Variants in HSD17B2 observed in about 807,000 individuals in gnomAD.
The protein encoded by HSD17B2 is 17-beta-hydroxysteroid dehydrogenase type 2.
Under a neutral mutation model 26.9 loss-of-function variants are expected in HSD17B2, and 32 were observed. The ratio of observed to expected loss-of-function variants is 1.19; its 90% confidence interval spans 0.90 to 1.60. The LOEUF is 1.60. HSD17B2 is among the 40% of genes most tolerant of loss of function. HSD17B2 has a pLI of 0.00. For missense variants in HSD17B2, 613 were observed against 468.6 expected (o/e 1.31, Z -2.85); for synonymous variants, 246 against 186.7 (o/e 1.32, Z -2.59).
chr16:82,098,440 A>G lies in HSD17B2; in HGVS notation c.*4A>G, dbSNP rs140657247. ...CTACAAGAAAAAGGCCACCTAGGCA[A>G]TGGAAGCCCTCAAAGAAGTCGGAAT... is the stretch of plus-strand genomic sequence containing the variant. On this transcript the variant is annotated 3_prime_UTR_variant, in exon 5 of 5. Transcript: ENST00000199936. The G allele has an allele frequency of 2.0e-5, 31 of 1,586,010 alleles. No homozygotes were observed. In the African/African-American group the frequency reaches 4.1e-4, roughly 21 times the overall value.
chr16:82,079,148 A>G (rs1904322959), intron 3 of HSD17B2, among the ~76,000 whole-genome samples: 1 of 152,210 alleles, frequency 6.6e-6, no homozygotes, highest in African/African-American at 2.4e-5. Flanking sequence ...ACATAAATAT[A>G]TACACCAACT....
At chr16:82,075,806 G>C (rs139916809) in intron 3 of HSD17B2, among the ~76,000 whole-genome samples, 1 of 150,950 alleles carries the variant, frequency 6.6e-6, no homozygotes, top group African/African-American at 2.4e-5. Flanking sequence ...AACTAATACC[G>C]ATTGTACTCG....
At chr16:82,046,567 A>G (rs1482171188) in intron 1 of HSD17B2, among the ~76,000 whole-genome samples, 3 of 152,284 alleles carry the variant, frequency 2.0e-5, no homozygotes, top group East Asian at 3.9e-4. Flanking sequence ...TACCAAAAAT[A>G]CAAAAATTAG....
chr16:82,039,410 G>T (rs1438974287), intron 1 of HSD17B2, among the ~76,000 whole-genome samples: 2 of 151,810 alleles, frequency 1.3e-5, no homozygotes, highest in Non-Finnish European at 2.9e-5. Flanking sequence ...AGCTTGAGTA[G>T]TTAGGAAGAA....
At position 82,091,001 on chromosome 16, in the gene HSD17B2, T is replaced by C. The variant is rs780303631; in HGVS notation, c.764T>C (p.Ile255Thr). Residue 255 changes from isoleucine to threonine, a missense_variant, in exon 4 of 5, where the codon ATT becomes ACT. Transcript: ENST00000199936. ...VMRLELSKWG[I>T]KVASIQPGGF... is the part of the protein sequence containing the mutation. ...AGACTGGAGCTTTCCAAGTGGGGAA[T>C]TAAAGTTGCTTCCATCCAACCTGGA... 4.3e-6 allele frequency: 7 copies of C among 1,614,014 alleles called. No individual in the cohort carries two copies. Among genetic ancestry groups the C allele is most frequent in the Non-Finnish European group, 5.1e-6 (6 of 1,179,926 alleles).
rs151303002 is a variant in HSD17B2, at chr16:82,047,028, G to A, written c.265+11339G>A. On this transcript the variant is annotated intron_variant, in intron 1 of 4. Transcript: ENST00000199936. ...TGCTCAGCTGACCCAAGCACCTTCC[G>A]CATTCAGACACAGAATCTTATGCAA... is the stretch of plus-strand genomic sequence containing the variant. Among the ~76,000 whole-genome samples the A allele has an allele frequency of 4.4e-3, 669 of 152,292 alleles. 5 individuals carry two copies. The highest frequency in any genetic ancestry group is 7.0e-3 in the Non-Finnish European group (478 of 68,022).
intron 1 of HSD17B2, among the ~76,000 whole-genome samples, chr16:82,043,557 G>C (rs894157031): frequency 7.0e-6 from 1 of 141,940 alleles, no homozygotes; most frequent in Non-Finnish European, 1.5e-5. Flanking sequence ...CGTGGCAGGC[G>C]CCTGTAGTCC....
chr16:82,093,125 A>G (rs1026258157), intron 4 of HSD17B2: 42 of 152,322 alleles, frequency 2.8e-4, no homozygotes, highest in Non-Finnish European at 1.2e-4. Flanking sequence ...CACAGGGTTC[A>G]ACAAATTATT....
intron 4 of HSD17B2, 130 bp from the exon 5 acceptor site, chr16:82,097,945 T>C (rs1027030798): frequency 4.8e-5 from 35 of 729,902 alleles, no homozygotes; most frequent in Non-Finnish European, 6.3e-5. Flanking sequence ...ATCCCAAAAA[T>C]AAAAAAATAA....
intron 3 of HSD17B2, among the ~76,000 whole-genome samples, chr16:82,084,364 C>T (rs1904463097): frequency 6.6e-6 from 1 of 151,974 alleles, no homozygotes; most frequent in South Asian, 2.1e-4. Flanking sequence ...TCAGATATTT[C>T]CCATGATCTT....
At chr16:82,056,819 A>G (rs1409770597) in intron 1 of HSD17B2, among the ~76,000 whole-genome samples, 1 of 152,218 alleles carries the variant, frequency 6.6e-6, no homozygotes, top group Non-Finnish European at 1.5e-5. Context: ...AAACAAAAAA[A>G]CAGGTGCCTT....
intron 3 of HSD17B2, among the ~76,000 whole-genome samples, chr16:82,087,281 C>T (rs561575190): frequency 4.6e-5 from 7 of 152,128 alleles, no homozygotes; most frequent in Admixed American, 6.6e-5. Context: ...AAGTAGAATT[C>T]ACATTAAGTG....
chr16:82,039,324 A>T (rs2143910762), intron 1 of HSD17B2, among the ~76,000 whole-genome samples: 1 of 144,554 alleles, frequency 6.9e-6, no homozygotes, highest in Non-Finnish European at 1.5e-5. Context: ...AGATGGAGTT[A>T]GCAGATGAGA....
chr16:82,061,345 C>G (rs1403098792), intron 1 of HSD17B2, among the ~76,000 whole-genome samples: 1 of 152,024 alleles, frequency 6.6e-6, no homozygotes, highest in African/African-American at 2.4e-5. Flanking sequence ...TTTAATATAT[C>G]AAATTATTTA....
intron 1 of HSD17B2, among the ~76,000 whole-genome samples, chr16:82,049,081 C>T (rs1914026396): frequency 6.6e-6 from 1 of 152,180 alleles, no homozygotes; most frequent in Non-Finnish European, 1.5e-5. Context: ...CTGTTTATGA[C>T]CCTTTCATAT....
Position 82,068,161 on chromosome 16 carries a change from C to G in HSD17B2, c.266-9C>G. ...TGACCTCACTCCCTACTCCCCTGACCCTATGCAGGTGGTGATTGCGGGCTT... is the reference window on the plus strand; with the variant it reads ...TGACCTCACTCCCTACTCCCCTGACGCTATGCAGGTGGTGATTGCGGGCTT... On this transcript the variant is annotated splice_polypyrimidine_tract_variant and intron_variant, in intron 1 of 4. Transcript: ENST00000199936. 6.2e-7 allele frequency: 1 copy of G among 1,613,320 alleles called. No homozygotes were observed. Among genetic ancestry groups the G allele is most frequent in the Non-Finnish European group, 8.5e-7 (1 of 1,179,370 alleles).
intron 4 of HSD17B2, chr16:82,094,389 C>T (rs1904778860): frequency 6.6e-6 from 1 of 152,248 alleles, no homozygotes; most frequent in Non-Finnish European, 1.5e-5. Flanking sequence ...ATCACCACAA[C>T]TCTGAGGAGC....
chr16:82,043,990 G>C (rs771676408), intron 1 of HSD17B2, among the ~76,000 whole-genome samples: 1 of 152,176 alleles, frequency 6.6e-6, no homozygotes, highest in Non-Finnish European at 1.5e-5. Context: ...CTTGAAACAT[G>C]TGGACTGCAT....
intron 1 of HSD17B2, among the ~76,000 whole-genome samples, chr16:82,047,380 G>A (rs1913965211): frequency 6.6e-6 from 1 of 152,220 alleles, no homozygotes; most frequent in Non-Finnish European, 1.5e-5. Flanking sequence ...GATTAGCAGT[G>A]TGGAAAGGGG....
Sources: gnomAD v4.1 joint callset for allele counts (sites outside exome capture counted in the v4.1 genomes callset) on GRCh38, gnomAD v4.1.1 for gene constraint, MANE v1.5 for transcripts, NCBI Gene and HGNC (gene_info 2026-07-23, HGNC 2026-07-21) for gene names.